The following MKRN2OS variants were observed in gnomAD, a reference collection of about 807,000 sequenced individuals.
MKRN2OS encodes the protein MKRN2 opposite strand, also known as MKRN2 opposite strand protein.
MKRN2OS carries 17 observed loss-of-function variants against 18.2 expected under a neutral mutation model. That is an observed-to-expected ratio of 0.93 (90% CI 0.64 to 1.40). The LOEUF is 1.40. Among genes scored for constraint, MKRN2OS ranks in the 40% most tolerant of loss-of-function variants. The probability of loss-of-function intolerance (pLI) is 0.00; values close to 1 mark genes in which losing one functional copy is unlikely to be tolerated. For synonymous variants in MKRN2OS, 121 were observed against 108.5 expected (o/e 1.12, Z -0.72); for missense variants, 337 against 283.0 (o/e 1.19, Z -1.37).
chr3:12,541,358 T>G (rs1002835060), intron 3 of MKRN2OS, among the ~76,000 whole-genome samples: 9 of 151,946 alleles, frequency 5.9e-5, no homozygotes, highest in African/African-American at 1.9e-4. Flanking sequence ...AAGTAGGGAC[T>G]ACAGACGTCC....
downstream of MKRN2OS, among the ~76,000 whole-genome samples, chr3:12,552,183 G>A (rs2057934649): frequency 2.0e-5 from 3 of 151,564 alleles, no homozygotes; most frequent in Non-Finnish European, 2.9e-5. Context: ...GCTGGGCGGG[G>A]TGGTGGGCGC....
intron 1 of MKRN2OS, among the ~76,000 whole-genome samples, chr3:12,558,247 G>T (rs1331407968): frequency 6.6e-6 from 1 of 152,178 alleles, no homozygotes; most frequent in African/African-American, 2.4e-5. Flanking sequence ...CCAAGGCCCA[G>T]GTGGCTTATG....
At chr3:12,560,020 G>C (rs1025201463) in intron 1 of MKRN2OS, among the ~76,000 whole-genome samples, 1 of 152,214 alleles carries the variant, frequency 6.6e-6, no homozygotes, top group Non-Finnish European at 1.5e-5. Context: ...GGGTTGGGCA[G>C]TTCTGGATTC....
chr3:12,557,053 GA>G, intron 1 of MKRN2OS: 96 of 1,288,572 alleles, frequency 7.5e-5, no homozygotes, highest in Non-Finnish European at 9.2e-5. Flanking sequence ...GCGCCGGCGT[GA>G]CGCGGCTACG....
chr3:12,557,315 C>A, intron 1 of MKRN2OS: 1 of 1,197,202 alleles, frequency 8.4e-7, no homozygotes, highest in Non-Finnish European at 1.1e-6. Flanking sequence ...CGGGGCTTTG[C>A]GAGGCAGAGC....
downstream of MKRN2OS, among the ~76,000 whole-genome samples, chr3:12,553,310 A>G (rs1423209972): frequency 6.6e-6 from 1 of 152,190 alleles, no homozygotes; most frequent in Non-Finnish European, 1.5e-5. Context: ...TATAGAAAAT[A>G]TATCATGGCC....
chr3:12,558,094 T>C (rs780027301), intron 1 of MKRN2OS, among the ~76,000 whole-genome samples: 46 of 152,252 alleles, frequency 3.0e-4, no homozygotes, highest in Non-Finnish European at 5.9e-4. Context: ...ATGGGAAACA[T>C]TGCTTAAAAA....
At chr3:12,546,720 G>A (rs1359690917), upstream of MKRN2OS, among the ~76,000 whole-genome samples, 5 of 151,634 alleles carry the variant, frequency 3.3e-5, no homozygotes, top group African/African-American at 1.2e-4. Flanking sequence ...TGGGATTACA[G>A]GTGCCCGCCA....
intron 1 of MKRN2OS, 75 bp from the exon 2 acceptor site, chr3:12,543,304 A>G (rs2057841408): frequency 3.1e-6 from 4 of 1,290,738 alleles, no homozygotes; most frequent in Non-Finnish European, 4.3e-6. Flanking sequence ...AAGTAGGAGG[A>G]TGCCGAGCAC....
chr3:12,543,210 CA>C lies in MKRN2OS; in HGVS notation c.237del (p.Asp80IlefsTer6). Reference protein sequence around the residue: ...GTFLREYDGRSDLHVGITNTN... With the variant: ...GTFLREYDGRXDLHVGITNTN... ...GTGTTAGTTATTCCAACATGAAGAT[CA>C]GACCTTCCATCATACTCTCTGAAAG... is the stretch of plus-strand genomic sequence containing the variant. On this transcript the variant is annotated frameshift_variant, in exon 2 of 4. Coordinates refer to ENST00000564146, the MANE Select transcript of MKRN2OS (RefSeq NM_001195279.2). LOFTEE classifies it high-confidence loss of function. 1 of 1,535,666 alleles carries C rather than the reference CA, an allele frequency of 6.5e-7. No individual in the cohort carries two copies.
chr3:12,544,683 G>GAAAAAA (rs34704258), intron 1 of MKRN2OS, among the ~76,000 whole-genome samples: 1 of 147,558 alleles, frequency 6.8e-6, no homozygotes. Flanking sequence ...CTGTCTCGGG[G>GAAAAAA]AAAAAAAAAA....
chr3:12,551,430 G>A (rs1384110359), downstream of MKRN2OS, among the ~76,000 whole-genome samples: 1 of 151,968 alleles, frequency 6.6e-6, no homozygotes, highest in Non-Finnish European at 1.5e-5. Flanking sequence ...GGGAGGCGAA[G>A]GCTGTGGTGA....
intron 1 of MKRN2OS, among the ~76,000 whole-genome samples, chr3:12,559,488 G>C (rs183669716): frequency 1.3e-4 from 20 of 151,972 alleles, no homozygotes; most frequent in Non-Finnish European, 2.6e-4. Context: ...TTGTTTTCCT[G>C]ACTGTGGGAT....
chr3:12,550,584 C>T (rs2057922634), downstream of MKRN2OS, among the ~76,000 whole-genome samples: 2 of 152,204 alleles, frequency 1.3e-5, no homozygotes, highest in African/African-American at 4.8e-5. Flanking sequence ...GGCACTTGTC[C>T]TCCAAAATGC....
chr3:12,560,849 G>A (rs1335263361), exon 1 of MKRN2OS: 1 of 152,242 alleles, frequency 6.6e-6, no homozygotes, highest in Admixed American at 6.5e-5. Flanking sequence ...GAAGATATGA[G>A]GGGCGGTTTG....
chr3:12,540,232 C>G lies in MKRN2OS; in HGVS notation c.633G>C (p.Gln211His). Residue 211 changes from glutamine (Q) to histidine (H), a missense_variant, in exon 4 of 4, where the codon CAG (glutamine) becomes CAC (histidine). Transcript: ENST00000564146. ...EHGFYVTDCP[Q>H]QQAQPPEGGG... ...CGCCCTCAGGGGGTTGTGCCTGCTG[C>G]TGGGGACAGTCAGTGACGTAGAAGC... The G allele has an allele frequency of 6.5e-7, 1 of 1,536,164 alleles. No homozygotes were observed. The highest frequency in any genetic ancestry group is 8.7e-7 in the Non-Finnish European group (1 of 1,146,916).
In MKRN2OS at chr3:12,557,275, G is replaced by C. The variant is rs531186569; in HGVS notation, n.265-3141C>G. 292 of 1,456,052 alleles carry C rather than the reference G, an allele frequency of 2.0e-4. No homozygotes were observed. In the African/African-American group the frequency reaches 3.8e-3, roughly 19 times the overall value. 90.2% of individuals were successfully genotyped at this position (1,456,052 alleles called of 1,614,324 possible). On this transcript the variant is annotated intron_variant and non_coding_transcript_variant, in intron 1 of 1. Transcript: ENST00000447550. ...GGTCCGGGAACCTGAGGCTAGAGCG[G>C]GACTCGGAAAGTTACTCGGCTGTTC...
chr3:12,549,773 GA>G (rs1368013265), upstream of MKRN2OS, among the ~76,000 whole-genome samples: 26 of 152,226 alleles, frequency 1.7e-4, no homozygotes, highest in Non-Finnish European at 1.3e-4. Context: ...GGCTTGTCTT[GA>G]ACTCCTGGAC....
At chr3:12,544,641 T>G (rs1276948176) in intron 1 of MKRN2OS, among the ~76,000 whole-genome samples, 1 of 151,000 alleles carries the variant, frequency 6.6e-6, no homozygotes, top group Non-Finnish European at 1.5e-5. Context: ...GAGACACCAT[T>G]GCACTCCAGC....
Sources: gnomAD v4.1 joint callset for allele counts (sites outside exome capture counted in the v4.1 genomes callset) on GRCh38, gnomAD v4.1.1 for gene constraint, MANE v1.5 for transcripts, NCBI Gene and HGNC (gene_info 2026-07-23, HGNC 2026-07-21) for gene names.